The following PLXNA4 variants were observed in gnomAD, a reference collection of about 807,000 sequenced individuals.
PLXNA4 encodes the protein plexin A4.
PLXNA4 carries 44 observed loss-of-function variants against 191.8 expected under a neutral mutation model. The observed-to-expected ratio is 0.23, with a 90% CI of 0.18 to 0.29. PLXNA4 has a LOEUF of 0.29. Among genes scored for constraint, PLXNA4 ranks in the 10% least tolerant of loss-of-function variants. The probability of loss-of-function intolerance (pLI) is 1.00; values close to 1 mark genes in which losing one functional copy is unlikely to be tolerated. For synonymous variants in PLXNA4, 1,082 were observed against 1,009.5 expected (o/e 1.07, Z -1.36); for missense variants, 1,800 against 2,488.8 (o/e 0.72, Z 5.89).
intron 3 of PLXNA4, among the ~76,000 whole-genome samples, chr7:132,469,178 G>C (rs970272708): frequency 2.0e-5 from 3 of 149,156 alleles, no homozygotes; most frequent in African/African-American, 4.9e-5. Flanking sequence ...AAGTATTTTA[G>C]ATCCAAAAGG....
chr7:132,203,295 C>A, intron 11 of PLXNA4, 28 bp downstream of exon 11: 3 of 1,554,210 alleles, frequency 1.9e-6, no homozygotes, highest in Non-Finnish European at 2.7e-6. Flanking sequence ...TCCCCTCCCT[C>A]CCCTGCTAGG....
chr7:132,145,655 A>G (rs1394477122), intron 28 of PLXNA4: 1 of 284,714 alleles, frequency 3.5e-6, no homozygotes, highest in Non-Finnish European at 6.7e-6. Context: ...TTGTTTGGGC[A>G]TTACTCACAC....
intron 2 of PLXNA4, among the ~76,000 whole-genome samples, chr7:132,491,636 G>GAA (rs60760710): frequency 5.8e-4 from 86 of 147,440 alleles, no homozygotes; most frequent in Admixed American, 1.1e-3. Context: ...TCCCTTAAAA[G>GAA]AAAAAAAAAA....
intron 1 of PLXNA4, among the ~76,000 whole-genome samples, chr7:132,562,341 C>T (rs1262248287): frequency 4.1e-5 from 5 of 123,286 alleles, no homozygotes; most frequent in South Asian, 3.2e-4. Context: ...TCTCCTCCTC[C>T]TTCTTCTCCT....
At chr7:132,315,619 T>C (rs188432221) in intron 3 of PLXNA4, among the ~76,000 whole-genome samples, 1 of 152,314 alleles carries the variant, frequency 6.6e-6, no homozygotes, top group East Asian at 1.9e-4. Flanking sequence ...CCAATACACC[T>C]TGGCCCACAT....
chr7:132,457,317 C>T (rs554745836), intron 3 of PLXNA4, among the ~76,000 whole-genome samples: 1 of 152,362 alleles, frequency 6.6e-6, no homozygotes, highest in South Asian at 2.1e-4. Flanking sequence ...TTCTTCCTAT[C>T]CATTTCAGAT....
intron 3 of PLXNA4, among the ~76,000 whole-genome samples, chr7:132,340,437 A>T (rs1221298561): frequency 6.6e-6 from 1 of 152,224 alleles, no homozygotes; most frequent in African/African-American, 2.4e-5. Context: ...ATGACCTCAG[A>T]TACTTCTAAG....
Position 132,538,321 on chromosome 7 carries a change from C to T in PLXNA4, c.-86-29542G>A, listed in dbSNP as rs988437531. Among the ~76,000 whole-genome samples, 8 of 152,166 alleles carry T rather than the reference C, an allele frequency of 5.3e-5. No individual in the cohort carries two copies. In the South Asian group the frequency reaches 1.0e-3, roughly 20 times the overall value. On this transcript the variant is annotated intron_variant, in intron 1 of 31. Coordinates refer to ENST00000321063, the MANE Select transcript of PLXNA4 (RefSeq NM_020911.2). Reference sequence around the variant, plus strand: ...AGTTATATGATCAGCACAAATGCACCGGCAAGGTCTTAGGCAGAGGCAGTC... The same window carrying T: ...AGTTATATGATCAGCACAAATGCACTGGCAAGGTCTTAGGCAGAGGCAGTC...
At chr7:132,185,165 G>C (rs965948186) in intron 16 of PLXNA4, 134 bp downstream of exon 16, 16 of 1,315,070 alleles carry the variant, frequency 1.2e-5, no homozygotes, top group Non-Finnish European at 1.6e-5. Context: ...CTGATTTGGG[G>C]GTGTTTGGAA....
chr7:132,588,414 C>G (rs1209799306), intron 2 of PLXNA4, among the ~76,000 whole-genome samples: 1 of 152,058 alleles, frequency 6.6e-6, no homozygotes, highest in Non-Finnish European at 1.5e-5. Context: ...GTCTAAATGT[C>G]TCTTTGCCAT....
intron 1 of PLXNA4, among the ~76,000 whole-genome samples, chr7:132,533,940 T>C (rs1799728029): frequency 6.6e-6 from 1 of 151,098 alleles, no homozygotes; most frequent in African/African-American, 2.5e-5. Context: ...ATTATTATTA[T>C]TATTATTACT....
At chr7:132,254,581 C>T (rs1187622753) in intron 4 of PLXNA4, among the ~76,000 whole-genome samples, 11 of 152,166 alleles carry the variant, frequency 7.2e-5, no homozygotes, top group Non-Finnish European at 5.9e-5. Flanking sequence ...TCCCTTCTTG[C>T]CTTTCTCTGT....
chr7:132,255,505 T>C (rs1171454240), intron 4 of PLXNA4, among the ~76,000 whole-genome samples: 1 of 152,228 alleles, frequency 6.6e-6, no homozygotes, highest in Non-Finnish European at 1.5e-5. Flanking sequence ...TTCACGTTAA[T>C]GCAAAGTTCA....
At chr7:132,219,498 T>TTAA (rs1798074200) in intron 9 of PLXNA4, among the ~76,000 whole-genome samples, 2 of 152,202 alleles carry the variant, frequency 1.3e-5, no homozygotes, top group African/African-American at 4.8e-5. Context: ...CCTCTCACAA[T>TTAA]GCCTTGAGTA....
upstream of PLXNA4, among the ~76,000 whole-genome samples, chr7:132,578,377 T>G (rs982719602): frequency 6.6e-6 from 1 of 152,172 alleles, no homozygotes; most frequent in Admixed American, 6.5e-5. Context: ...CTTGGCCTCC[T>G]CTCTCCTGTC....
chr7:132,199,865 G>A (rs894560426), intron 12 of PLXNA4, among the ~76,000 whole-genome samples: 2 of 152,226 alleles, frequency 1.3e-5, no homozygotes, highest in African/African-American at 4.8e-5. Flanking sequence ...TGGTGTGATT[G>A]TGAGTGAGCG....
At chr7:132,474,473 CT>C (rs1334256342) in intron 3 of PLXNA4, among the ~76,000 whole-genome samples, 1 of 152,076 alleles carries the variant, frequency 6.6e-6, no homozygotes, top group Non-Finnish European at 1.5e-5. Context: ...GCCCATCCTG[CT>C]TTCCATCACC....
At chr7:132,258,470 T>G (rs1446022836) in intron 4 of PLXNA4, among the ~76,000 whole-genome samples, 4 of 152,246 alleles carry the variant, frequency 2.6e-5, no homozygotes, top group South Asian at 2.1e-4. Flanking sequence ...GGCTTGTTTT[T>G]GGGAGCAGAG....
chr7:132,182,273 C>A, intron 16 of PLXNA4, 83 bp from the exon 17 acceptor site: 1 of 1,560,832 alleles, frequency 6.4e-7, no homozygotes, highest in Non-Finnish European at 8.7e-7. Flanking sequence ...TGAGCTATGA[C>A]AATAAGGACA....
Sources: gnomAD v4.1 joint callset for allele counts (sites outside exome capture counted in the v4.1 genomes callset) on GRCh38, gnomAD v4.1.1 for gene constraint, MANE v1.5 for transcripts, NCBI Gene and HGNC (gene_info 2026-07-23, HGNC 2026-07-21) for gene names.